TBCD: variants seen among roughly 807,000 people sequenced by gnomAD.
TBCD encodes tubulin-specific chaperone D.
In TBCD, 105 loss-of-function variants were observed where a neutral mutation model predicts 169.3. That is an observed-to-expected ratio of 0.62 (90% CI 0.53 to 0.73). The LOEUF (loss-of-function observed/expected upper bound fraction) is 0.73, where lower values mean the gene tolerates loss of function less well. Among genes scored for constraint, TBCD ranks in the 30% least tolerant of loss-of-function variants. TBCD has a pLI of 0.00. For missense variants in TBCD, 1,444 were observed against 1,600.1 expected, an observed-to-expected ratio of 0.90 and a Z score of 1.66; for synonymous variants, 700 against 643.9, an observed-to-expected ratio of 1.09 and a Z score of -1.32.
chr17:82,772,930 G>A (rs1247046239), intron 6 of TBCD, among the ~76,000 whole-genome samples: 1 of 152,202 alleles, frequency 6.6e-6, no homozygotes, highest in East Asian at 1.9e-4. Context: ...TGCACCCCCC[G>A]TGTGCCCCAG....
intron 13 of TBCD, chr17:82,830,988 C>G (rs1487636029): frequency 6.2e-7 from 1 of 1,613,684 alleles, no homozygotes; most frequent in Non-Finnish European, 8.5e-7. Flanking sequence ...GAAACATTCC[C>G]TTGGAGGTTT....
chr17:82,762,295 GAT>G (rs2047803088), intron 2 of TBCD, among the ~76,000 whole-genome samples: 1 of 122,340 alleles, frequency 8.2e-6, no homozygotes, highest in Non-Finnish European at 1.6e-5. Context: ...CAGCCTGGGT[GAT>G]AGAGCGAGAC....
At chr17:82,902,953 GT>G (rs1805501073) in intron 18 of TBCD, among the ~76,000 whole-genome samples, 1 of 152,200 alleles carries the variant, frequency 6.6e-6, no homozygotes, top group South Asian at 2.1e-4. Context: ...CGGTCCGCAT[GT>G]TCAACCATGG....
chr17:82,768,252 G>A (rs1179605500), intron 4 of TBCD, among the ~76,000 whole-genome samples, 168 bp from the exon 5 acceptor site: 2 of 152,074 alleles, frequency 1.3e-5, no homozygotes, highest in East Asian at 3.9e-4. Context: ...GGGGGGATGT[G>A]GCGAGGAGTT....
At chr17:82,857,174 A>G (rs1428861426) in intron 13 of TBCD, among the ~76,000 whole-genome samples, 1 of 152,218 alleles carries the variant, frequency 6.6e-6, no homozygotes, top group Non-Finnish European at 1.5e-5. Context: ...GTGAGGGGGT[A>G]TCTTGTGATT....
Position 82,831,846 on chromosome 17 carries a change from A to C in TBCD, c.1318+16912A>C, listed in dbSNP as rs373365934. 2 of 1,614,062 alleles carry C rather than the reference A, an allele frequency of 1.2e-6. No individual in the cohort carries two copies. Among genetic ancestry groups the C allele is most frequent in the Non-Finnish European group, 1.7e-6 (2 of 1,180,024 alleles). ...GTGAGCCGGCTTTCCAGGGGTAGCC[A>C]GGAGTGTGGAAGGCCGACTTGGTGT... On this transcript the variant is annotated intron_variant, in intron 13 of 38. Coordinates refer to ENST00000355528, the MANE Select transcript of TBCD (RefSeq NM_005993.5). The surrounding 1 kb of genome is among the most constrained non-coding windows in gnomAD (Gnocchi z 4.6).
At chr17:82,866,157 C>G (rs1176326650) in intron 13 of TBCD, among the ~76,000 whole-genome samples, 1 of 152,156 alleles carries the variant, frequency 6.6e-6, no homozygotes, top group African/African-American at 2.4e-5. Flanking sequence ...ACACGCCCCT[C>G]CCCGAGCTTT....
At chr17:82,894,082 G>T (rs1212148357) in intron 17 of TBCD, among the ~76,000 whole-genome samples, 2 of 152,250 alleles carry the variant, frequency 1.3e-5, no homozygotes, top group African/African-American at 4.8e-5. Context: ...AGAAGGGACT[G>T]TTTCTTTCTG....
chr17:82,774,765 C>A (rs1238705713), intron 6 of TBCD, among the ~76,000 whole-genome samples: 1 of 152,200 alleles, frequency 6.6e-6, no homozygotes, highest in Non-Finnish European at 1.5e-5. Context: ...CTCAATATTG[C>A]AAACAGTCCA....
chr17:82,852,168 T>G (rs561603359), intron 13 of TBCD, among the ~76,000 whole-genome samples: 3 of 126,800 alleles, frequency 2.4e-5, no homozygotes, highest in East Asian at 2.8e-4. Flanking sequence ...CCCCCCCTCC[T>G]AGACACCACA....
Position 82,768,549 on chromosome 17 carries a change from A to G in TBCD, c.565A>G (p.Ile189Val), listed in dbSNP as rs1472257488. The stretch of plus-strand genomic sequence containing the variant: ...AGCACGAATGTCCATAATGGACCGT[A>G]TTCTCCAAATAGCAGAGGTAAATAT... Reference protein sequence around the residue: ...GQARMSIMDRILQIAESYLIV... With the variant: ...GQARMSIMDRVLQIAESYLIV... The change falls in exon 5 of 39, where the codon ATT (isoleucine) becomes GTT (valine). Residue 189 changes from isoleucine to valine, a missense_variant. Ile to Val is a conservative substitution (Grantham distance 29). Coordinates refer to ENST00000355528, the MANE Select transcript of TBCD (RefSeq NM_005993.5). 6.2e-7 allele frequency: 1 copy of G among 1,614,026 alleles called. No individual in the cohort carries two copies. The highest frequency in any genetic ancestry group is 1.1e-5 in the South Asian group (1 of 91,082).
At chr17:82,900,618 C>A (rs755863884) in intron 17 of TBCD, 33 bp from the exon 18 acceptor site, 1 of 1,577,484 alleles carries the variant, frequency 6.3e-7, no homozygotes, top group South Asian at 1.1e-5. Context: ...CGTTCTTCCG[C>A]GTCTCACCAC....
intron 14 of TBCD, among the ~76,000 whole-genome samples, chr17:82,871,035 T>C (rs1178389660): frequency 6.6e-6 from 1 of 152,344 alleles, no homozygotes; most frequent in East Asian, 1.9e-4. Context: ...GGGAGACACT[T>C]TTTCCCTCTG....
At chr17:82,860,007 G>A (rs1383769625) in intron 13 of TBCD, among the ~76,000 whole-genome samples, 1 of 152,188 alleles carries the variant, frequency 6.6e-6, no homozygotes. Flanking sequence ...CCAGCATGGC[G>A]TCCTCTGGGC....
At chr17:82,792,873 C>T (rs1180194575) in intron 7 of TBCD, among the ~76,000 whole-genome samples, 1 of 152,112 alleles carries the variant, frequency 6.6e-6, no homozygotes, top group Non-Finnish European at 1.5e-5. Context: ...AGTCATCCTC[C>T]CCCCTCAGCC....
chr17:82,810,898 A>G (rs915628558), intron 12 of TBCD, among the ~76,000 whole-genome samples: 1 of 152,202 alleles, frequency 6.6e-6, no homozygotes, highest in African/African-American at 2.4e-5. Context: ...TTTCTTGTGC[A>G]CTTAGCCTCC....
chr17:82,894,379 G>A (rs796559455), intron 17 of TBCD, among the ~76,000 whole-genome samples: 5 of 152,282 alleles, frequency 3.3e-5, no homozygotes, highest in African/African-American at 1.2e-4. Flanking sequence ...GCAGTGGGGT[G>A]TGACTTTATG....
In TBCD at chr17:82,939,424, G is replaced by A. The variant is rs1253351182; in HGVS notation, c.3427G>A (p.Val1143Met). The A allele has an allele frequency of 3.1e-6, 5 of 1,613,522 alleles. No individual in the cohort carries two copies. Among genetic ancestry groups the A allele is most frequent in the Admixed American group, 1.7e-5 (1 of 59,968 alleles). ...GACATTGCTCACCTACAGTGACGTC[G>A]TGGGCGCGGATGTGCTGGACGAGGT... is the stretch of plus-strand genomic sequence containing the variant. ...YETLLTYSDV[V>M]GADVLDEVVT... is the part of the protein sequence containing the mutation. Residue 1143 changes from valine (V) to methionine (M), a missense_variant, in exon 37 of 39, where the codon GTG becomes ATG. Transcript: ENST00000355528.
At chr17:82,921,336 A>ACCAG (rs1263878811) in intron 24 of TBCD, 165 bp from the exon 25 acceptor site, 3 of 646,644 alleles carry the variant, frequency 4.6e-6, no homozygotes, top group Non-Finnish European at 8.5e-6. Flanking sequence ...AAGGGGCCTT[A>ACCAG]GACTTAACAC....
Sources: gnomAD v4.1 joint callset for allele counts (sites outside exome capture counted in the v4.1 genomes callset) on GRCh38, gnomAD v4.1.1 for gene constraint, Gnocchi (gnomAD v3.1) non-coding constraint, MANE v1.5 for transcripts, NCBI Gene and HGNC (gene_info 2026-07-23, HGNC 2026-07-21) for gene names.